ULK4: variants seen among roughly 807,000 people sequenced by gnomAD.
The protein encoded by ULK4 is unc-51 like kinase 4.
A neutral mutation model predicts 160.6 loss-of-function variants in ULK4; 133 were observed. That is an observed-to-expected ratio of 0.83 (90% confidence interval 0.72 to 0.96). ULK4 has a LOEUF of 0.96. ULK4 is among the 40% of genes least tolerant of loss of function. The probability of loss-of-function intolerance (pLI) is 0.00; values close to 1 mark genes in which losing one functional copy is unlikely to be tolerated. For synonymous variants in ULK4, 534 were observed against 539.8 expected, an observed-to-expected ratio of 0.99 and a Z score of 0.15; for missense variants, 1,580 against 1,499.5, an observed-to-expected ratio of 1.05 and a Z score of -0.89.
intron 17 of ULK4, among the ~76,000 whole-genome samples, chr3:41,878,078 C>A (rs1410702668): frequency 8.2e-6 from 1 of 121,458 alleles, no homozygotes; most frequent in South Asian, 2.8e-4. Context: ...AAAGCTCTAC[C>A]AGGAAAAAAA....
intron 35 of ULK4, among the ~76,000 whole-genome samples, chr3:41,302,796 T>C (rs921440112): frequency 6.6e-6 from 1 of 152,196 alleles, no homozygotes; most frequent in African/African-American, 2.4e-5. Context: ...CTATGGATAA[T>C]TGAAAGCACT....
chr3:41,304,432 G>A (rs1373949053), intron 35 of ULK4, among the ~76,000 whole-genome samples: 4 of 152,164 alleles, frequency 2.6e-5, no homozygotes, highest in Non-Finnish European at 4.4e-5. Context: ...GTCTATGCAT[G>A]GACAGCCCCC....
chr3:41,642,035 C>T (rs1394082586), intron 30 of ULK4, among the ~76,000 whole-genome samples: 1 of 151,972 alleles, frequency 6.6e-6, no homozygotes, highest in Non-Finnish European at 1.5e-5. Flanking sequence ...GCAACCACGT[C>T]TAGCTAATTT....
At chr3:41,364,315 T>G (rs1403915240) in intron 35 of ULK4, among the ~76,000 whole-genome samples, 1 of 152,192 alleles carries the variant, frequency 6.6e-6, no homozygotes, top group Non-Finnish European at 1.5e-5. Flanking sequence ...CTCTACCTCC[T>G]GCCCATTTCC....
intron 32 of ULK4, among the ~76,000 whole-genome samples, chr3:41,539,697 C>G (rs768177504): frequency 1.1e-4 from 16 of 152,136 alleles, no homozygotes; most frequent in Non-Finnish European, 1.8e-4. Flanking sequence ...TTTCAGAACT[C>G]TGACTCTAAC....
At chr3:41,411,564 A>G (rs1253465366) in intron 34 of ULK4, among the ~76,000 whole-genome samples, 1 of 151,886 alleles carries the variant, frequency 6.6e-6, no homozygotes, top group African/African-American at 2.4e-5. Flanking sequence ...AGTAGCTGGG[A>G]CTACAGGGAT....
intron 34 of ULK4, among the ~76,000 whole-genome samples, chr3:41,411,420 CTT>C (rs556696303): frequency 1.4e-5 from 2 of 143,024 alleles, no homozygotes; most frequent in Non-Finnish European, 1.5e-5. Context: ...ACATTCCTTT[CTT>C]TTTTTTTTTT....
In ULK4 at chr3:41,646,926, G is replaced by A. The variant is rs535431176; in HGVS notation, c.3071+16681C>T. 4.1e-3 allele frequency among the ~76,000 whole-genome samples: 621 copies of A among 151,562 alleles called. 5 individuals are homozygous for A. Among genetic ancestry groups the A allele is most frequent in the Admixed American group, 8.5e-3 (130 of 15,214 alleles). Reference sequence around the variant, plus strand: ...CATTTTTCTCTAAACTTCCCTTCTCGCTTCATTTCATTCATTTCATCTTCC... The same window carrying A: ...CATTTTTCTCTAAACTTCCCTTCTCACTTCATTTCATTCATTTCATCTTCC... On this transcript the variant is annotated intron_variant, in intron 30 of 36. Transcript: ENST00000301831.
At chr3:41,292,454 G>A (rs1250287558) in intron 35 of ULK4, among the ~76,000 whole-genome samples, 1 of 152,106 alleles carries the variant, frequency 6.6e-6, no homozygotes, top group East Asian at 1.9e-4. Context: ...AGACCAACCA[G>A]GCCAACATGG....
rs949908920 is a variant in ULK4 at position 41,953,909 on chromosome 3, C to T, written c.138+713G>A. ...TGAAAAATACAAAAAATTGGCCGGG[C>T]GCGGTGGCTCACACCTGTAATCCCA... On this transcript the variant is annotated intron_variant, in intron 2 of 36. Coordinates refer to ENST00000301831, the MANE Select transcript of ULK4 (RefSeq NM_017886.4). Among the ~76,000 whole-genome samples, 71 of 151,992 alleles carry T rather than the reference C, an allele frequency of 4.7e-4. 2 individuals are homozygous for T. Among genetic ancestry groups the T allele is most frequent in the Middle Eastern group, 6.8e-3 (2 of 294 alleles).
chr3:41,926,883 G>C (rs1384306169), intron 5 of ULK4, among the ~76,000 whole-genome samples: 1 of 152,178 alleles, frequency 6.6e-6, no homozygotes, highest in African/African-American at 2.4e-5. Flanking sequence ...TGATGTACCT[G>C]AAAGTGATGG....
At chr3:41,507,612 C>CAA (rs71075473) in intron 32 of ULK4, among the ~76,000 whole-genome samples, 20 of 75,284 alleles carry the variant, frequency 2.7e-4, no homozygotes, top group Admixed American at 1.4e-3. Context: ...AAACCACCAC[C>CAA]AAAAAAAAAA....
chr3:41,857,132 A>G (rs1245589228), intron 17 of ULK4, among the ~76,000 whole-genome samples: 2 of 152,118 alleles, frequency 1.3e-5, no homozygotes, highest in Non-Finnish European at 2.9e-5. Flanking sequence ...CTTCTGGAGA[A>G]CAGCATAAAC....
At chr3:41,704,909 T>C (rs2036816572) in intron 27 of ULK4, 148 bp downstream of exon 27, 1 of 562,722 alleles carries the variant, frequency 1.8e-6, no homozygotes, top group African/African-American at 1.9e-5. Flanking sequence ...GGATTTCCTA[T>C]GTTCATCCTG....
intron 35 of ULK4, among the ~76,000 whole-genome samples, chr3:41,304,553 G>A (rs1214198947): frequency 6.6e-6 from 1 of 152,160 alleles, no homozygotes; most frequent in Admixed American, 6.5e-5. Flanking sequence ...AACCCTAGTT[G>A]ATTTAGCAGA....
intron 35 of ULK4, among the ~76,000 whole-genome samples, chr3:41,330,915 A>G (rs937825934): frequency 3.3e-5 from 5 of 152,196 alleles, no homozygotes; most frequent in African/African-American, 9.6e-5. Flanking sequence ...GCCAGTCTCT[A>G]CTGGGTGTCA....
chr3:41,651,042 C>A (rs2125739531), intron 30 of ULK4, among the ~76,000 whole-genome samples: 1 of 152,260 alleles, frequency 6.6e-6, no homozygotes, highest in Admixed American at 6.5e-5. Flanking sequence ...TGTTCCCTGT[C>A]TCTACTTCTT....
chr3:41,706,533 T>C (rs1214482650), intron 25 of ULK4, among the ~76,000 whole-genome samples: 1 of 150,760 alleles, frequency 6.6e-6, no homozygotes. Context: ...ACAGTAGAAA[T>C]TGGTCTAACA....
chr3:41,667,425 T>G (rs1391172921), intron 29 of ULK4, among the ~76,000 whole-genome samples: 1 of 152,244 alleles, frequency 6.6e-6, no homozygotes, highest in Non-Finnish European at 1.5e-5. Flanking sequence ...AGGTTTATAA[T>G]GGTCAGCAAG....
Sources: gnomAD v4.1 joint callset for allele counts (sites outside exome capture counted in the v4.1 genomes callset) on GRCh38, gnomAD v4.1.1 for gene constraint, MANE v1.5 for transcripts, NCBI Gene and HGNC (gene_info 2026-07-23, HGNC 2026-07-21) for gene names.